The following EYA1 variants were observed in gnomAD, a reference collection of about 807,000 sequenced individuals.
EYA1 encodes protein phosphatase EYA1.
In EYA1, 16 loss-of-function variants were observed where a neutral mutation model predicts 82.0. The observed-to-expected ratio is 0.20, with a 90% CI of 0.13 to 0.30. The LOEUF (loss-of-function observed/expected upper bound fraction) is 0.30, where lower values mean the gene tolerates loss of function less well. EYA1 is among the 10% of genes least tolerant of loss of function. The pLI is 1.00. For synonymous variants in EYA1, 261 were observed against 264.4 expected, an observed-to-expected ratio of 0.99 and a Z score of 0.12; for missense variants, 633 against 730.7, an observed-to-expected ratio of 0.87 and a Z score of 1.54.
intron 7 of EYA1, 34 bp downstream of exon 7, chr8:71,317,518 G>C: frequency 6.2e-7 from 1 of 1,611,366 alleles, no homozygotes. Flanking sequence ...TCAACCTACA[G>C]GGTTAAGGAA....
chr8:71,415,509 C>G (rs1830806155), intron 2 of EYA1, among the ~76,000 whole-genome samples: 1 of 152,202 alleles, frequency 6.6e-6, no homozygotes, highest in Admixed American at 6.5e-5. Context: ...GGCCAAGATT[C>G]AACAAGCTGC....
intron 9 of EYA1, among the ~76,000 whole-genome samples, chr8:71,274,946 A>AAGCGAGTGAACGAG (rs1586130686): frequency 1.3e-5 from 2 of 152,332 alleles, no homozygotes; most frequent in East Asian, 3.9e-4. Context: ...GAACGAGAGC[A>AAGCGAGTGAACGAG]AGCGAGTGAA....
chr8:71,517,707 C>CTATATATATA lies in EYA1; in HGVS notation c.33+18027_33+18036dup, dbSNP rs60132408. ...GTTGTTCACAAGATAGGAAAACATA[C>CTATATATATA]TATATATATATATATATATAACTGT... is the stretch of plus-strand genomic sequence containing the variant. On this transcript the variant is annotated intron_variant, in intron 2 of 18. Coordinates refer to the EYA1 transcript ENST00000643681. Among the ~76,000 whole-genome samples the CTATATATATA allele has an allele frequency of 2.4e-3, 342 of 141,638 alleles. 1 individual carries two copies. Among genetic ancestry groups the CTATATATATA allele is most frequent in the South Asian group, 5.0e-3 (23 of 4,576 alleles). The allele number at this position is 141,638 out of a possible 152,430, so 92.9% of individuals were successfully genotyped here.
At position 71,361,684 on chromosome 8, in the gene EYA1, TC is replaced by T; in HGVS notation, c.-93del. The T allele has an allele frequency of 1.0e-6, 1 of 985,536 alleles. No individual in the cohort carries two copies. The highest frequency in any genetic ancestry group is 1.2e-6 in the Non-Finnish European group (1 of 829,978). 61.0% of individuals were successfully genotyped at this position (985,536 alleles called of 1,614,324 possible). ...TGCTGCATCCACCAGTTTAATGTGTTCCTTCGAATTTTCTGGGTTAGCAAAC... is the reference window on the plus strand; with the variant it reads ...TGCTGCATCCACCAGTTTAATGTGTTCTTCGAATTTTCTGGGTTAGCAAAC... On this transcript the variant is annotated 5_prime_UTR_variant, in exon 1 of 18. Coordinates refer to ENST00000340726, the MANE Select transcript of EYA1 (RefSeq NM_000503.6).
At position 71,416,488 on chromosome 8, in the gene EYA1, A is replaced by G. The variant is rs185377624; in HGVS notation, c.34-59977T>C. On this transcript the variant is annotated intron_variant, in intron 2 of 18. Coordinates refer to the EYA1 transcript ENST00000643681. Reference sequence around the variant, plus strand: ...AAAAATATTTGAGATGCAAAATGGAAAAACAGAATTTTAAAAATAAGAGGA... The same window carrying G: ...AAAAATATTTGAGATGCAAAATGGAGAAACAGAATTTTAAAAATAAGAGGA... Among the ~76,000 whole-genome samples, 21 of 152,354 alleles carry G rather than the reference A, an allele frequency of 1.4e-4. No individual in the cohort carries two copies. The South Asian group carries it at 3.1e-3, about 23-fold the overall frequency.
intron 11 of EYA1, among the ~76,000 whole-genome samples, chr8:71,251,606 G>T (rs6984343): frequency 2.0e-5 from 3 of 152,236 alleles, no homozygotes; most frequent in African/African-American, 7.2e-5. Flanking sequence ...GTAACATTAT[G>T]TAGAAAAAGT....
intron 11 of EYA1, among the ~76,000 whole-genome samples, chr8:71,246,267 G>C (rs906001303): frequency 6.6e-6 from 1 of 152,208 alleles, no homozygotes; most frequent in Non-Finnish European, 1.5e-5. Context: ...TTTGGAATAA[G>C]TATGGAATCT....
At chr8:71,499,887 G>A (rs1443728972) in intron 2 of EYA1, among the ~76,000 whole-genome samples, 2 of 152,320 alleles carry the variant, frequency 1.3e-5, no homozygotes, top group Non-Finnish European at 2.9e-5. Flanking sequence ...AAAACAGATA[G>A]AGGGATAATG....
chr8:71,420,994 T>G (rs1174084555), intron 2 of EYA1, among the ~76,000 whole-genome samples: 1 of 152,154 alleles, frequency 6.6e-6, no homozygotes, highest in Non-Finnish European at 1.5e-5. Flanking sequence ...ACTTTTCATG[T>G]GGTGGTCATG....
intron 10 of EYA1, among the ~76,000 whole-genome samples, 199 bp from the exon 11 acceptor site, chr8:71,270,022 G>C (rs1012886638): frequency 6.6e-6 from 1 of 152,180 alleles, no homozygotes; most frequent in Non-Finnish European, 1.5e-5. Context: ...GGTGCAAGAG[G>C]ATAATTACAT....
At chr8:71,536,668 T>G (rs556747142) in intron 1 of EYA1, among the ~76,000 whole-genome samples, 1 of 152,222 alleles carries the variant, frequency 6.6e-6, no homozygotes, top group Non-Finnish European at 1.5e-5. Flanking sequence ...TAAACACTAA[T>G]GCAGCACATG....
At chr8:71,462,435 A>G (rs1050275945) in intron 2 of EYA1, among the ~76,000 whole-genome samples, 2 of 152,124 alleles carry the variant, frequency 1.3e-5, no homozygotes, top group Non-Finnish European at 2.9e-5. Context: ...ACCACCCCTG[A>G]GCCTGCAGGG....
chr8:71,332,587 A>C (rs915407191), intron 4 of EYA1, among the ~76,000 whole-genome samples: 7 of 152,152 alleles, frequency 4.6e-5, no homozygotes, highest in Non-Finnish European at 7.3e-5. Context: ...AATACAAAAA[A>C]ATCTCTCCCT....
intron 2 of EYA1, among the ~76,000 whole-genome samples, chr8:71,393,224 T>G (rs1829379321): frequency 6.6e-6 from 1 of 152,140 alleles, no homozygotes; most frequent in Admixed American, 6.6e-5. Context: ...GCAAACATTG[T>G]CATGGGGAGT....
intron 2 of EYA1, among the ~76,000 whole-genome samples, chr8:71,379,017 C>T (rs948095416): frequency 3.3e-5 from 5 of 152,066 alleles, no homozygotes; most frequent in East Asian, 1.9e-4. Flanking sequence ...CCTTTCTATA[C>T]GTAAAAGGCC....
At chr8:71,295,394 C>T (rs1272059067) in intron 9 of EYA1, among the ~76,000 whole-genome samples, 1 of 152,132 alleles carries the variant, frequency 6.6e-6, no homozygotes, top group African/African-American at 2.4e-5. Context: ...AAACAAACAA[C>T]CTGTTTAAGA....
intron 2 of EYA1, among the ~76,000 whole-genome samples, chr8:71,465,454 C>T (rs1808705389): frequency 6.6e-6 from 1 of 152,030 alleles, no homozygotes; most frequent in Non-Finnish European, 1.5e-5. Flanking sequence ...GAAACTCCAT[C>T]TCTACTAAAA....
intron 2 of EYA1, among the ~76,000 whole-genome samples, chr8:71,378,159 T>C (rs1248644808): frequency 1.3e-5 from 2 of 152,174 alleles, no homozygotes; most frequent in Non-Finnish European, 2.9e-5. Context: ...TACCCTGATG[T>C]ATTTTCTTTT....
chr8:71,503,501 G>T (rs1000609694), intron 2 of EYA1, among the ~76,000 whole-genome samples: 4 of 151,254 alleles, frequency 2.6e-5, no homozygotes, highest in Non-Finnish European at 5.9e-5. Flanking sequence ...ATCACCTTCA[G>T]TACACCCTAC....
Sources: gnomAD v4.1 joint callset for allele counts (sites outside exome capture counted in the v4.1 genomes callset) on GRCh38, gnomAD v4.1.1 for gene constraint, MANE v1.5 for transcripts, NCBI Gene and HGNC (gene_info 2026-07-23, HGNC 2026-07-21) for gene names.